Variants in DAPK1 observed in about 807,000 individuals in gnomAD.
DAPK1 encodes death associated protein kinase 1.
In DAPK1, 56 loss-of-function variants were observed where a neutral mutation model predicts 144.9. That is an observed-to-expected ratio of 0.39 (90% CI 0.31 to 0.48). The LOEUF is 0.48. DAPK1 is among the 20% of genes least tolerant of loss of function. The pLI is 0.95. For missense variants in DAPK1, 1,454 were observed against 1,875.4 expected, an observed-to-expected ratio of 0.78 and a Z score of 4.15; for synonymous variants, 690 against 749.0, an observed-to-expected ratio of 0.92 and a Z score of 1.29.
intron 21 of DAPK1, 40 bp from the exon 22 acceptor site, chr9:87,696,967 G>A: frequency 3.0e-6 from 3 of 987,258 alleles, no homozygotes; most frequent in Non-Finnish European, 4.9e-6. Context: ...AATTTGGTTA[G>A]TGGTGTTTCA....
At chr9:87,538,899 A>G (rs1469693869) in intron 2 of DAPK1, among the ~76,000 whole-genome samples, 2 of 151,806 alleles carry the variant, frequency 1.3e-5, no homozygotes, top group Admixed American at 6.6e-5. Context: ...TGTGTTTGTT[A>G]GACAGTAAGT....
At chr9:87,498,780 C>T in intron 1 of DAPK1, 190 bp from the exon 2 acceptor site, 1 of 436,780 alleles carries the variant, frequency 2.3e-6, no homozygotes, top group Non-Finnish European at 4.1e-6. Flanking sequence ...CCCACGCGCG[C>T]GCGGGGCTGA....
chr9:87,594,163 T>G (rs1828236819), intron 2 of DAPK1, among the ~76,000 whole-genome samples: 2 of 152,182 alleles, frequency 1.3e-5, no homozygotes, highest in South Asian at 4.1e-4. Context: ...ATATGGAGTG[T>G]TGTTGTTTGT....
intron 2 of DAPK1, among the ~76,000 whole-genome samples, chr9:87,508,341 T>C (rs1393116196): frequency 1.4e-5 from 2 of 143,998 alleles, no homozygotes; most frequent in African/African-American, 5.3e-5. Flanking sequence ...AGAAAGATTG[T>C]CAGGATTTTT....
intron 3 of DAPK1, among the ~76,000 whole-genome samples, chr9:87,625,339 A>G (rs1465880819): frequency 3.9e-5 from 6 of 152,204 alleles, no homozygotes; most frequent in African/African-American, 1.4e-4. Context: ...TGTGCTGGTA[A>G]AGCTCTAACA....
At chr9:87,571,633 A>C (rs923601220) in intron 2 of DAPK1, among the ~76,000 whole-genome samples, 9 of 152,276 alleles carry the variant, frequency 5.9e-5, no homozygotes, top group Non-Finnish European at 1.2e-4. Flanking sequence ...GGATGGTTGC[A>C]TCCTGCGGCT....
intron 10 of DAPK1, among the ~76,000 whole-genome samples, chr9:87,642,499 T>G (rs1830131391): frequency 6.6e-6 from 1 of 152,112 alleles, no homozygotes; most frequent in Non-Finnish European, 1.5e-5. Flanking sequence ...CGTGAGCATT[T>G]GCAGGGTGGC....
At chr9:87,592,603 C>T (rs543922761) in intron 2 of DAPK1, among the ~76,000 whole-genome samples, 11 of 152,270 alleles carry the variant, frequency 7.2e-5, no homozygotes, top group Non-Finnish European at 7.4e-5. Context: ...CGAGAGTTAA[C>T]GCCATCAGTC....
At chr9:87,586,284 T>A (rs1013326845) in intron 2 of DAPK1, among the ~76,000 whole-genome samples, 2 of 152,132 alleles carry the variant, frequency 1.3e-5, no homozygotes, top group African/African-American at 4.8e-5. Context: ...AGTGAGGCCC[T>A]GTCTCCAAGA....
At chr9:87,544,296 A>T (rs1479024830) in intron 2 of DAPK1, among the ~76,000 whole-genome samples, 2 of 152,250 alleles carry the variant, frequency 1.3e-5, no homozygotes, top group African/African-American at 4.8e-5. Context: ...TTTTAGAAAC[A>T]TGAGAAAAAT....
intron 3 of DAPK1, among the ~76,000 whole-genome samples, chr9:87,634,325 G>A (rs77623506): frequency 0.01 from 1,567 of 152,304 alleles, 26 homozygotes; most frequent in African/African-American, 0.035. Context: ...CCTCGGCTGC[G>A]CTGGAGGGTC....
In DAPK1 at chr9:87,678,129, A is replaced by G. The variant is rs36217439; in HGVS notation, c.2002-3275A>G. ...AGAAGAAAACACCAGAGTACAGACC[A>G]CCTCGTGTTCTACAGATCATGGTTT... On this transcript the variant is annotated intron_variant, in intron 19 of 25. Transcript: ENST00000408954. 9.0e-4 allele frequency among the ~76,000 whole-genome samples: 137 copies of G among 152,166 alleles called. 1 individual carries two copies. The highest frequency in any genetic ancestry group is 1.6e-3 in the Non-Finnish European group (108 of 68,006).
intron 3 of DAPK1, among the ~76,000 whole-genome samples, chr9:87,618,287 G>A (rs1201356402): frequency 6.6e-6 from 1 of 152,212 alleles, no homozygotes; most frequent in Non-Finnish European, 1.5e-5. Context: ...AATCTCAAGT[G>A]TTGGTGGGGA....
At chr9:87,515,680 A>G (rs1459403937) in intron 2 of DAPK1, among the ~76,000 whole-genome samples, 3 of 152,156 alleles carry the variant, frequency 2.0e-5, no homozygotes, top group Admixed American at 6.5e-5. Flanking sequence ...TATTGAGGAA[A>G]AGATTGCCGA....
At chr9:87,602,922 T>TTCTCTCTCTC (rs143584239) in intron 2 of DAPK1, among the ~76,000 whole-genome samples, 200 of 146,518 alleles carry the variant, frequency 1.4e-3, no homozygotes, top group African/African-American at 4.7e-3. Context: ...GTCTCTCTGT[T>TTCTCTCTCTC]TCTCTCTCTC....
chr9:87,644,277 G>A (rs965799129), intron 11 of DAPK1, among the ~76,000 whole-genome samples: 5 of 152,078 alleles, frequency 3.3e-5, no homozygotes, highest in Admixed American at 6.5e-5. Flanking sequence ...GGAAGTGTCC[G>A]AATTCAACAA....
At chr9:87,529,796 G>T (rs372816588) in intron 2 of DAPK1, among the ~76,000 whole-genome samples, 14 of 152,328 alleles carry the variant, frequency 9.2e-5, no homozygotes, top group African/African-American at 3.4e-4. Flanking sequence ...ATGCCAGGAG[G>T]CGAGTCCCTG....
chr9:87,518,099 GTTGTTGTT>G lies in DAPK1; in HGVS notation c.62+18963_62+18970del, dbSNP rs1490471084. Among the ~76,000 whole-genome samples the G allele has an allele frequency of 1.3e-4, 16 of 126,040 alleles. 1 individual carries two copies. The highest frequency in any genetic ancestry group is 1.7e-4 in the Non-Finnish European group (11 of 63,676). 82.7% of individuals were successfully genotyped at this position (126,040 alleles called of 152,430 possible). The stretch of plus-strand genomic sequence containing the variant: ...TTGCCCTGGAATATTTGCCGTTTAT[GTTGTTGTT>G]TTTTTTTTTTTTTTTTTTTTCTGAG... On this transcript the variant is annotated intron_variant, in intron 2 of 25. Coordinates refer to ENST00000408954, the MANE Select transcript of DAPK1 (RefSeq NM_004938.4).
At chr9:87,534,953 A>G (rs528710653) in intron 2 of DAPK1, among the ~76,000 whole-genome samples, 3 of 151,882 alleles carry the variant, frequency 2.0e-5, no homozygotes, top group African/African-American at 7.2e-5. Context: ...TTCTTGATTT[A>G]TTTTCTGTAA....
Sources: allele counts gnomAD v4.1 joint callset (sites outside exome capture counted in the v4.1 genomes callset), GRCh38; gene constraint gnomAD v4.1.1; transcripts MANE v1.5; gene names NCBI Gene and HGNC (gene_info 2026-07-23, HGNC 2026-07-21).